The following NKAIN2 variants were observed in gnomAD, a reference collection of about 807,000 sequenced individuals.
The protein encoded by NKAIN2 is sodium/potassium-transporting ATPase subunit beta-1-interacting protein 2.
A neutral mutation model predicts 32.6 loss-of-function variants in NKAIN2; 14 were observed. The ratio of observed to expected loss-of-function variants is 0.43; its 90% CI spans 0.28 to 0.67. The LOEUF (loss-of-function observed/expected upper bound fraction) is 0.67, where lower values mean the gene tolerates loss of function less well. Ranked by LOEUF, NKAIN2 falls within the 30% of genes least tolerant of loss-of-function variation. The pLI, the probability that NKAIN2 is intolerant of heterozygous loss-of-function variation, is 0.17. For synonymous variants in NKAIN2, 80 were observed against 87.2 expected (o/e 0.92, Z 0.46); for missense variants, 198 against 258.3 (o/e 0.77, Z 1.60).
At chr6:124,685,251 A>T (rs1004123327) in intron 4 of NKAIN2, among the ~76,000 whole-genome samples, 1 of 152,200 alleles carries the variant, frequency 6.6e-6, no homozygotes, top group Admixed American at 6.5e-5. Context: ...ACATTAAAAA[A>T]ATTTTCTACC....
intron 1 of NKAIN2, among the ~76,000 whole-genome samples, chr6:124,220,180 G>T (rs1387280585): frequency 6.6e-6 from 1 of 152,094 alleles, no homozygotes; most frequent in African/African-American, 2.4e-5. Flanking sequence ...CACAGAAACT[G>T]CTGGTTTTAT....
chr6:124,532,418 G>T (rs1779557824), intron 3 of NKAIN2, among the ~76,000 whole-genome samples: 1 of 152,120 alleles, frequency 6.6e-6, no homozygotes, highest in Non-Finnish European at 1.5e-5. Context: ...GGCACAGAGA[G>T]GTCCCCCAAC....
intron 3 of NKAIN2, among the ~76,000 whole-genome samples, chr6:124,383,510 T>C (rs9491146): frequency 0.13 from 20,115 of 152,166 alleles, 1,520 homozygotes; most frequent in African/African-American, 0.2. Context: ...CACAGCTCCT[T>C]GAACCTATAC....
At chr6:124,205,090 CTG>C (rs1790795755) in intron 1 of NKAIN2, among the ~76,000 whole-genome samples, 1 of 151,444 alleles carries the variant, frequency 6.6e-6, no homozygotes, top group Non-Finnish European at 1.5e-5. Context: ...TCCCAGGTAA[CTG>C]TTTCACAATT....
chr6:124,788,211 T>G (rs1779588407), intron 4 of NKAIN2, among the ~76,000 whole-genome samples: 2 of 152,056 alleles, frequency 1.3e-5, no homozygotes, highest in South Asian at 4.1e-4. Flanking sequence ...CATGTGACAA[T>G]GTCTAGAGAT....
chr6:124,398,028 C>T lies in NKAIN2; in HGVS notation c.273+42681C>T, dbSNP rs1305403419. Among the ~76,000 whole-genome samples the T allele has an allele frequency of 5.9e-5, 9 of 151,368 alleles. No individual in the cohort carries two copies. The South Asian group carries it at 6.3e-4, about 11-fold the overall frequency. On this transcript the variant is annotated intron_variant, in intron 3 of 6. Coordinates refer to ENST00000368417, the MANE Select transcript of NKAIN2 (RefSeq NM_001040214.3). Reference sequence around the variant, plus strand: ...CAGCACTTTGGGAGGCCGAGGCGGGCGGATCACGAGGTCAGGAGATCGAGA... The same window carrying T: ...CAGCACTTTGGGAGGCCGAGGCGGGTGGATCACGAGGTCAGGAGATCGAGA...
At chr6:124,735,227 AG>A (rs1320772992) in intron 4 of NKAIN2, among the ~76,000 whole-genome samples, 1 of 151,932 alleles carries the variant, frequency 6.6e-6, no homozygotes, top group Non-Finnish European at 1.5e-5. Flanking sequence ...TCACCTCTGT[AG>A]GCTTCTCAGT....
At chr6:124,212,046 A>G (rs542954196) in intron 1 of NKAIN2, among the ~76,000 whole-genome samples, 3 of 152,226 alleles carry the variant, frequency 2.0e-5, no homozygotes, top group African/African-American at 7.2e-5. Context: ...TAAGAACAGA[A>G]TATGATTATT....
chr6:124,011,312 T>G (rs1780312509), intron 1 of NKAIN2, among the ~76,000 whole-genome samples: 1 of 152,152 alleles, frequency 6.6e-6, no homozygotes. Context: ...TTCATTTCTG[T>G]TTTACACATT....
intron 4 of NKAIN2, among the ~76,000 whole-genome samples, chr6:124,777,079 ATTT>A (rs1435261290): frequency 6.6e-6 from 1 of 152,168 alleles, no homozygotes; most frequent in Non-Finnish European, 1.5e-5. Flanking sequence ...ATGTGATCAG[ATTT>A]TTTAGTATTT....
intron 4 of NKAIN2, among the ~76,000 whole-genome samples, chr6:124,764,296 A>G (rs760644066): frequency 4.3e-4 from 65 of 152,292 alleles, no homozygotes; most frequent in Non-Finnish European, 7.4e-4. Context: ...AAGTTTTTTA[A>G]TGCTTATCAC....
chr6:124,402,143 A>G (rs777852382), intron 3 of NKAIN2, among the ~76,000 whole-genome samples: 2 of 152,124 alleles, frequency 1.3e-5, no homozygotes, highest in Non-Finnish European at 2.9e-5. Flanking sequence ...ATGTCCTACA[A>G]TGAACAGGAC....
chr6:124,209,948 A>T (rs1325303662), intron 1 of NKAIN2, among the ~76,000 whole-genome samples: 1 of 151,696 alleles, frequency 6.6e-6, no homozygotes, highest in African/African-American at 2.4e-5. Flanking sequence ...GAAGCTTTTT[A>T]GCTTAATGTG....
At chr6:123,850,510 G>C (rs1479097117) in intron 1 of NKAIN2, among the ~76,000 whole-genome samples, 1 of 152,056 alleles carries the variant, frequency 6.6e-6, no homozygotes, top group Non-Finnish European at 1.5e-5. Flanking sequence ...CTATGTTCTT[G>C]TGGGAACAAT....
intron 3 of NKAIN2, among the ~76,000 whole-genome samples, chr6:124,417,650 C>T (rs2114522279): frequency 6.6e-6 from 1 of 152,246 alleles, no homozygotes; most frequent in East Asian, 1.9e-4. Context: ...AGCCCTTCTA[C>T]TCTATGTTTT....
intron 1 of NKAIN2, among the ~76,000 whole-genome samples, chr6:123,853,987 G>A (rs1775458576): frequency 6.6e-6 from 1 of 151,996 alleles, no homozygotes; most frequent in African/African-American, 2.4e-5. Flanking sequence ...TGGTCAGGCT[G>A]GTCTTGAACT....
chr6:123,911,354 G>A (rs890687843), intron 1 of NKAIN2, among the ~76,000 whole-genome samples: 2 of 152,090 alleles, frequency 1.3e-5, no homozygotes, highest in Admixed American at 6.6e-5. Context: ...CATAGTGGAA[G>A]GTGAAAGGGA....
At chr6:124,503,656 G>A (rs626967) in intron 3 of NKAIN2, among the ~76,000 whole-genome samples, 32,629 of 152,016 alleles carry the variant, frequency 0.21, 3,911 homozygotes, top group African/African-American at 0.32. Flanking sequence ...TCAATAGGCA[G>A]ATATTTACCA....
chr6:123,804,079 GC>G lies in NKAIN2; in HGVS notation c.-119del. On this transcript the variant is annotated 5_prime_UTR_variant, in exon 1 of 7. It introduces an in-frame stop codon into an upstream open reading frame of the 5' UTR. Coordinates refer to ENST00000368417, the MANE Select transcript of NKAIN2 (RefSeq NM_001040214.3). ...TCCCAGGACGCTGGCAGCAGCAGCA[GC>G]CCGGAGCCCCCGAGCCCTCGGCAGG... The G allele has an allele frequency of 5.6e-6, 5 of 891,490 alleles. No homozygotes were observed. The highest frequency in any genetic ancestry group is 5.3e-5 in the South Asian group (4 of 75,102). The allele number at this position is 891,490 out of a possible 1,614,324, so 55.2% of individuals were successfully genotyped here. A position where few individuals can be genotyped will look rare whatever the true frequency, so the allele number is the denominator to read the frequency against.
Sources: gnomAD v4.1 joint callset for allele counts (sites outside exome capture counted in the v4.1 genomes callset) on GRCh38, gnomAD v4.1.1 for gene constraint, MANE v1.5 for transcripts, NCBI Gene and HGNC (gene_info 2026-07-23, HGNC 2026-07-21) for gene names.